SPAG17: variants seen among roughly 807,000 people sequenced by gnomAD.
SPAG17 encodes the protein sperm associated antigen 17, also known as sperm-associated antigen 17.
SPAG17 carries 169 observed loss-of-function variants against 273.6 expected under a neutral mutation model. That is an observed-to-expected ratio of 0.62 (90% CI 0.55 to 0.70). The LOEUF (loss-of-function observed/expected upper bound fraction) is 0.70, where lower values mean the gene tolerates loss of function less well. Ranked by LOEUF, SPAG17 falls within the 30% of genes least tolerant of loss-of-function variation. SPAG17 has a pLI of 0.00. For missense variants in SPAG17, 2,557 were observed against 2,627.8 expected (o/e 0.97, Z 0.59); for synonymous variants, 825 against 873.2 (o/e 0.94, Z 0.97).
At chr1:118,122,146 T>A (rs2102274635) in intron 3 of SPAG17, among the ~76,000 whole-genome samples, 1 of 118,880 alleles carries the variant, frequency 8.4e-6, no homozygotes, top group East Asian at 2.0e-4. Flanking sequence ...AATGTGTGTC[T>A]GTGTGTCTGT....
chr1:118,046,781 T>TG (rs1346560650), intron 20 of SPAG17, among the ~76,000 whole-genome samples: 1 of 152,124 alleles, frequency 6.6e-6, no homozygotes, highest in Non-Finnish European at 1.5e-5. Context: ...TTTTTGTGTG[T>TG]GGGGGGAATA....
At chr1:118,155,675 G>T (rs1659613715) in intron 1 of SPAG17, among the ~76,000 whole-genome samples, 1 of 152,132 alleles carries the variant, frequency 6.6e-6, no homozygotes, top group Non-Finnish European at 1.5e-5. Context: ...AATGCCCCAG[G>T]TAAAATCAAT....
chr1:118,026,495 T>C (rs1647769064), intron 26 of SPAG17, among the ~76,000 whole-genome samples: 1 of 152,182 alleles, frequency 6.6e-6, no homozygotes, highest in Non-Finnish European at 1.5e-5. Flanking sequence ...CTACTAATAA[T>C]GATAAACCAA....
chr1:118,138,088 T>C (rs1372784157), intron 3 of SPAG17, among the ~76,000 whole-genome samples: 4 of 152,192 alleles, frequency 2.6e-5, no homozygotes, highest in African/African-American at 9.7e-5. Context: ...ATACTCTGTC[T>C]GGGGATCATG....
chr1:118,122,984 GA>G (rs1657507046), intron 3 of SPAG17, among the ~76,000 whole-genome samples: 1 of 152,100 alleles, frequency 6.6e-6, no homozygotes, highest in African/African-American at 2.4e-5. Flanking sequence ...TGTCCAATCT[GA>G]AAAGGACAAA....
chr1:118,067,029 C>T, intron 17 of SPAG17, 130 bp from the exon 18 acceptor site: 2 of 811,302 alleles, frequency 2.5e-6, no homozygotes, highest in Middle Eastern at 3.8e-4. Context: ...AGTTGAAATT[C>T]CCAGAGGTTT....
rs1037153879 is a variant in SPAG17 at position 118,127,993 on chromosome 1, A to G, written c.316-12552T>C. 2.6e-5 allele frequency among the ~76,000 whole-genome samples: 4 copies of G among 152,176 alleles called. No homozygotes were observed. The East Asian group carries it at 5.8e-4, about 22-fold the overall frequency. On this transcript the variant is annotated intron_variant, in intron 3 of 48. Transcript: ENST00000336338. ...AAAAATTAGCTGGGCATGGTGGCGTATGCCTGTAGTCTAACCTACTTGGGA... is the reference window on the plus strand; with the variant it reads ...AAAAATTAGCTGGGCATGGTGGCGTGTGCCTGTAGTCTAACCTACTTGGGA...
Position 118,115,422 on chromosome 1 carries a change from G to T in SPAG17, c.335C>A (p.Ala112Glu), listed in dbSNP as rs767380130. 1 of 1,612,792 alleles carries T rather than the reference G, an allele frequency of 6.2e-7. No individual in the cohort carries two copies. Among genetic ancestry groups the T allele is most frequent in the South Asian group, 1.1e-5 (1 of 90,992 alleles). ...TAATTTCTCTCCACTATCCATAATT[G>T]CTTTTGCTGCCGTTAACACCTATAC... Reference protein sequence around the residue: ...LYYEVLTAAKAIMDSGEKLTL... With the variant: ...LYYEVLTAAKEIMDSGEKLTL... The change falls in exon 4 of 49, where the codon GCA becomes GAA. Residue 112 changes from alanine to glutamate, a missense_variant. Ala to Glu is a moderately radical substitution (Grantham distance 107). Coordinates refer to ENST00000336338, the MANE Select transcript of SPAG17 (RefSeq NM_206996.4).
intron 29 of SPAG17, among the ~76,000 whole-genome samples, chr1:118,014,839 C>T (rs1164262983): frequency 1.3e-5 from 2 of 152,192 alleles, no homozygotes; most frequent in Non-Finnish European, 2.9e-5. Context: ...TGGTCACAAA[C>T]AACTGGCTCT....
At chr1:118,085,083 C>T (rs569936398) in intron 13 of SPAG17, among the ~76,000 whole-genome samples, 1 of 152,316 alleles carries the variant, frequency 6.6e-6, no homozygotes, top group African/African-American at 2.4e-5. Context: ...AAGTCACACT[C>T]TTTCTTAGTT....
chr1:118,097,558 C>G (rs1288053830), intron 7 of SPAG17, 112 bp downstream of exon 7: 2 of 727,736 alleles, frequency 2.7e-6, no homozygotes, highest in East Asian at 5.9e-5. Context: ...GAGCCTAGCT[C>G]AATGCCTTGT....
chr1:118,104,197 G>A (rs1170719779), intron 4 of SPAG17, among the ~76,000 whole-genome samples: 4 of 152,154 alleles, frequency 2.6e-5, no homozygotes, highest in Admixed American at 1.3e-4. Context: ...AGTGAAGAAA[G>A]ATAGATTTGA....
chr1:118,104,899 G>C (rs1224739649), intron 4 of SPAG17, among the ~76,000 whole-genome samples: 1 of 152,130 alleles, frequency 6.6e-6, no homozygotes, highest in East Asian at 1.9e-4. Context: ...GGATGCAAGG[G>C]GGTATGAGGT....
intron 30 of SPAG17, among the ~76,000 whole-genome samples, chr1:118,009,536 C>T (rs1659254873): frequency 6.6e-6 from 1 of 152,052 alleles, no homozygotes; most frequent in Non-Finnish European, 1.5e-5. Context: ...TTTCTGATGC[C>T]ACCTTTCTGA....
chr1:118,043,492 G>T (rs575502410), intron 20 of SPAG17, among the ~76,000 whole-genome samples: 1 of 152,052 alleles, frequency 6.6e-6, no homozygotes, highest in Admixed American at 6.5e-5. Context: ...TTACCACAAC[G>T]TAAGTATTTT....
At chr1:118,063,564 C>T (rs2102043088) in intron 18 of SPAG17, among the ~76,000 whole-genome samples, 1 of 152,282 alleles carries the variant, frequency 6.6e-6, no homozygotes, top group East Asian at 1.9e-4. Flanking sequence ...CCCTTCCTTA[C>T]ACCTGATACA....
intron 48 of SPAG17, chr1:117,954,503 A>T: frequency 7.3e-7 from 1 of 1,379,066 alleles, no homozygotes; most frequent in Admixed American, 2.1e-5. Flanking sequence ...TATAAAATAC[A>T]GTTACCACTC....
At chr1:117,955,450 G>C (rs996337911) in intron 48 of SPAG17, 2 of 1,218,178 alleles carry the variant, frequency 1.6e-6, no homozygotes, top group African/African-American at 3.1e-5. Context: ...AATTATAATT[G>C]ATGGTTATCT....
chr1:118,000,524 G>A (rs1300932352), intron 32 of SPAG17, among the ~76,000 whole-genome samples: 1 of 152,122 alleles, frequency 6.6e-6, no homozygotes, highest in Non-Finnish European at 1.5e-5. Context: ...AGTTCTCCTT[G>A]AAGAGGTCCT....
Sources: allele counts gnomAD v4.1 joint callset (sites outside exome capture counted in the v4.1 genomes callset), GRCh38; gene constraint gnomAD v4.1.1; transcripts MANE v1.5; gene names NCBI Gene and HGNC (gene_info 2026-07-23, HGNC 2026-07-21).